FBLN7: variants seen among roughly 807,000 people sequenced by gnomAD.
The protein encoded by FBLN7 is fibulin 7.
A neutral mutation model predicts 44.0 loss-of-function variants in FBLN7; 31 were observed. The observed-to-expected ratio is 0.70, with a 90% confidence interval of 0.53 to 0.95. FBLN7 has a LOEUF of 0.95. Ranked by LOEUF, FBLN7 falls within the 40% of genes least tolerant of loss-of-function variation. FBLN7 has a pLI of 0.00. For synonymous variants in FBLN7, 262 were observed against 253.4 expected (o/e 1.03, Z -0.32); for missense variants, 573 against 618.5 (o/e 0.93, Z 0.78).
the FBLN7 span, among the ~76,000 whole-genome samples, chr2:112,208,955 A>G: frequency 6.6e-6 from 1 of 152,132 alleles, no homozygotes; most frequent in Non-Finnish European, 1.5e-5. Flanking sequence ...ATGATGTGGC[A>G]TTTGATTTGG....
intron 3 of FBLN7, among the ~76,000 whole-genome samples, chr2:112,172,037 A>T (rs1346084590): frequency 6.6e-6 from 1 of 152,216 alleles, no homozygotes; most frequent in African/African-American, 2.4e-5. Flanking sequence ...GGCGCTAGCC[A>T]CCGCACCCGA....
intron 6 of FBLN7, among the ~76,000 whole-genome samples, chr2:112,184,631 G>A (rs1226352039): frequency 6.7e-6 from 1 of 149,622 alleles, no homozygotes; most frequent in African/African-American, 2.5e-5. Flanking sequence ...TTTAAAAAAA[G>A]TGTGTGTATA....
At chr2:112,175,903 T>C (rs1202849783) in intron 4 of FBLN7, 64 bp downstream of exon 4, 2 of 1,574,326 alleles carry the variant, frequency 1.3e-6, no homozygotes, top group Non-Finnish European at 1.7e-6. Flanking sequence ...ACCCTAGGCA[T>C]AGGTCCCCAA....
chr2:112,210,675 AAAAAG>A, the FBLN7 span, among the ~76,000 whole-genome samples: 7 of 151,630 alleles, frequency 4.6e-5, no homozygotes, highest in Admixed American at 2.0e-4. Context: ...AAAAAAAAAA[AAAAAG>A]GAAAGGTAGA....
chr2:112,158,539 G>A (rs1388755304), intron 1 of FBLN7, among the ~76,000 whole-genome samples: 1 of 151,578 alleles, frequency 6.6e-6, no homozygotes, highest in Non-Finnish European at 1.5e-5. Flanking sequence ...AGGTTCAAGC[G>A]ATTCTCCTGC....
rs778824189 is a variant in FBLN7 at position 112,165,136 on chromosome 2, A to G, written c.371A>G (p.Asn124Ser). The G allele has an allele frequency of 5.8e-5, 94 of 1,614,004 alleles. No individual in the cohort carries two copies. Among genetic ancestry groups the G allele is most frequent in the African/African-American group, 6.7e-5 (5 of 74,894 alleles). The change falls in exon 3 of 8, where the codon AAT (asparagine) becomes AGT (serine). Residue 124 changes from asparagine (N) to serine (S), a missense_variant. Coordinates refer to ENST00000331203, the MANE Select transcript of FBLN7 (RefSeq NM_153214.3). The part of the protein sequence containing the change: ...VGPSSVVCLP[N>S]GTWTGEQPHC... ...CCCAGCAGCGTGGTGTGTCTTCCCAATGGCACCTGGACAGGGGAGCAGCCC... is the reference window on the plus strand; with the variant it reads ...CCCAGCAGCGTGGTGTGTCTTCCCAGTGGCACCTGGACAGGGGAGCAGCCC...
chr2:112,169,876 A>C (rs560139339), intron 3 of FBLN7, among the ~76,000 whole-genome samples: 1 of 152,148 alleles, frequency 6.6e-6, no homozygotes, highest in Non-Finnish European at 1.5e-5. Context: ...CACTGAGATG[A>C]AAGGAGGAAT....
At chr2:112,200,964 G>C in the FBLN7 span, among the ~76,000 whole-genome samples, 2 of 152,210 alleles carry the variant, frequency 1.3e-5, no homozygotes, top group African/African-American at 2.4e-5. Flanking sequence ...TTGAGCAAGT[G>C]CCTTTTATGT....
intron 1 of FBLN7, among the ~76,000 whole-genome samples, chr2:112,140,222 T>C (rs1427560868): frequency 4.7e-5 from 6 of 126,636 alleles, no homozygotes; most frequent in African/African-American, 1.9e-4. Context: ...CCCGCCTCTC[T>C]CCCCTGTCCC....
chr2:112,210,655 CAAAAAAAA>C, the FBLN7 span, among the ~76,000 whole-genome samples: 2 of 69,730 alleles, frequency 2.9e-5, no homozygotes, highest in Non-Finnish European at 5.1e-5. Context: ...GACTCTGTCT[CAAAAAAAA>C]AAAAAAAAAA....
At chr2:112,173,624 T>C (rs762193887) in intron 3 of FBLN7, among the ~76,000 whole-genome samples, 1 of 152,226 alleles carries the variant, frequency 6.6e-6, no homozygotes, top group African/African-American at 2.4e-5. Flanking sequence ...CTAGGCTTCA[T>C]GAAAACAGTA....
At chr2:112,163,485 C>T (rs141833331) in intron 2 of FBLN7, among the ~76,000 whole-genome samples, 2,027 of 152,366 alleles carry the variant, frequency 0.013, 19 homozygotes, top group Non-Finnish European at 0.02. Flanking sequence ...TCCAAGCCAT[C>T]CTAACTTTGG....
At chr2:112,165,493 G>A (rs1433434190) in intron 3 of FBLN7, among the ~76,000 whole-genome samples, 1 of 152,128 alleles carries the variant, frequency 6.6e-6, no homozygotes, top group African/African-American at 2.4e-5. Context: ...CTTGGCACCT[G>A]GACACTCTGA....
intron 4 of FBLN7, chr2:112,177,968 G>A (rs1325258429): frequency 6.6e-6 from 1 of 151,486 alleles, no homozygotes; most frequent in Non-Finnish European, 1.5e-5. Context: ...TTTGAGACCA[G>A]CCTGGCCAAC....
chr2:112,237,385 C>T, the FBLN7 span, among the ~76,000 whole-genome samples: 1 of 152,126 alleles, frequency 6.6e-6, no homozygotes, highest in South Asian at 2.1e-4. Flanking sequence ...TCATAAATTA[C>T]TGTCAGATTT....
At chr2:112,141,166 C>T (rs1408928486) in intron 1 of FBLN7, among the ~76,000 whole-genome samples, 1 of 152,198 alleles carries the variant, frequency 6.6e-6, no homozygotes, top group Non-Finnish European at 1.5e-5. Context: ...CTCAGGCTCC[C>T]TGCAGGGCAT....
chr2:112,159,736 G>A lies in FBLN7; in HGVS notation c.136G>A (p.Gly46Ser). The A allele has an allele frequency of 1.2e-6, 2 of 1,601,374 alleles. No individual in the cohort carries two copies. Among genetic ancestry groups the A allele is most frequent in the African/African-American group, 1.4e-5 (1 of 73,966 alleles). Residue 46 changes from glycine (G) to serine (S), a missense_variant, in exon 2 of 8, where the codon GGC (glycine) becomes AGC (serine). Gly to Ser is a moderately conservative substitution (Grantham distance 56). Transcript: ENST00000331203. ...AIRQLQQLLK[G>S]QETRFAEGIR... ...CCGCCAGCTGCAGCAGCTGCTGAAGGGCCAGGAGACACGCTTCGCCGAGGG... is the reference window on the plus strand; with the variant it reads ...CCGCCAGCTGCAGCAGCTGCTGAAGAGCCAGGAGACACGCTTCGCCGAGGG...
At chr2:112,206,313 AAG>A in the FBLN7 span, among the ~76,000 whole-genome samples, 2 of 152,132 alleles carry the variant, frequency 1.3e-5, no homozygotes, top group South Asian at 4.1e-4. Flanking sequence ...GACCTTTACA[AAG>A]AACTTGGTTT....
At chr2:112,171,491 C>A (rs188594413) in intron 3 of FBLN7, among the ~76,000 whole-genome samples, 12 of 152,090 alleles carry the variant, frequency 7.9e-5, no homozygotes, top group Admixed American at 2.0e-4. Context: ...TGAGGCCTTT[C>A]CCCCGAGACC....
Sources: allele counts gnomAD v4.1 joint callset (sites outside exome capture counted in the v4.1 genomes callset), GRCh38; gene constraint gnomAD v4.1.1; transcripts MANE v1.5; gene names NCBI Gene and HGNC (gene_info 2026-07-23, HGNC 2026-07-21).